JAG1: variants seen among roughly 807,000 people sequenced by gnomAD.
The protein encoded by JAG1 is protein jagged-1.
Under a neutral mutation model 148.7 loss-of-function variants are expected in JAG1, and 23 were observed. That is an observed-to-expected ratio of 0.15 (90% CI 0.11 to 0.22). The LOEUF is 0.22. JAG1 is among the 10% of genes least tolerant of loss of function. The pLI, the probability that JAG1 is intolerant of heterozygous loss-of-function variation, is 1.00. For synonymous variants in JAG1, 572 were observed against 598.3 expected (o/e 0.96, Z 0.64); for missense variants, 1,054 against 1,611.2 (o/e 0.65, Z 5.92).
At chr20:10,663,826 T>A (rs2067433283) in intron 3 of JAG1, 137 bp downstream of exon 3, 1 of 752,122 alleles carries the variant, frequency 1.3e-6, no homozygotes, top group Non-Finnish European at 2.4e-6. Context: ...AGGTTCACCC[T>A]GGGGTACAGG....
intron 5 of JAG1, among the ~76,000 whole-genome samples, chr20:10,653,913 G>A (rs2067362175): frequency 6.6e-6 from 1 of 152,152 alleles, no homozygotes; most frequent in Non-Finnish European, 1.5e-5. Flanking sequence ...GAAATCACTA[G>A]AATGTGTGGT....
chr20:10,648,742 G>C lies in JAG1; in HGVS notation c.1396-20C>G, dbSNP rs747732974. 6.2e-7 allele frequency: 1 copy of C among 1,611,660 alleles called. No homozygotes were observed. The highest frequency in any genetic ancestry group is 8.5e-7 in the Non-Finnish European group (1 of 1,177,880). On this transcript the variant is annotated intron_variant, in intron 11 of 25. Transcript: ENST00000254958. Reference sequence around the variant, plus strand: ...CAAATCCTAGAAGAGGAGAAGGGGAGAGAGAGACACATGCTTTTTTTCTAT... The same window carrying C: ...CAAATCCTAGAAGAGGAGAAGGGGACAGAGAGACACATGCTTTTTTTCTAT...
Position 10,673,676 on chromosome 20 carries a change from AAAC to A in JAG1, c.-149_-147del, listed in dbSNP as rs2067515168. ...GCCGATTGGAGCATGCACGACTGGA[AAAC>A]AACACCACTTTTCAAAAGCCCTTTC... On this transcript the variant is annotated 5_prime_UTR_variant, in exon 1 of 26. Transcript: ENST00000254958. The surrounding 1 kb of genome is among the most constrained non-coding windows in gnomAD (Gnocchi z 4.7). 1.0e-5 allele frequency: 3 copies of A among 286,876 alleles called. No homozygotes were observed. Among genetic ancestry groups the A allele is most frequent in the Admixed American group, 1.1e-4 (2 of 18,890 alleles). The allele number at this position is 286,876 out of a possible 1,614,324, so 17.8% of individuals were successfully genotyped here. A position where few individuals can be genotyped will look rare whatever the true frequency, so the allele number is the denominator to read the frequency against.
At position 10,645,502 on chromosome 20, in the gene JAG1, C is replaced by T. The variant is rs112550163; in HGVS notation, c.2000-33G>A. ...CAAAGGGGAGACAATCGGCTGAAGA[C>T]GAGATCCAGGACCATTCACGACAGG... On this transcript the variant is annotated intron_variant, in intron 15 of 25. Coordinates refer to ENST00000254958, the MANE Select transcript of JAG1 (RefSeq NM_000214.3). The surrounding 1 kb of genome is among the most constrained non-coding windows in gnomAD (Gnocchi z 6.1). 105 of 1,561,978 alleles carry T rather than the reference C, an allele frequency of 6.7e-5. No homozygotes were observed. In the African/African-American group the frequency reaches 9.7e-4, roughly 14 times the overall value.
Position 10,673,574 on chromosome 20 carries a change from G to A in JAG1, c.-44C>T, listed in dbSNP as rs565369273. The A allele has an allele frequency of 5.3e-6, 6 of 1,127,020 alleles. No homozygotes were observed. The African/African-American group carries it at 8.1e-5, about 15-fold the overall frequency. 69.8% of individuals were successfully genotyped at this position (1,127,020 alleles called of 1,614,324 possible). On this transcript the variant is annotated 5_prime_UTR_variant, in exon 1 of 26. The change creates a premature stop within an existing upstream ORF in the 5' untranslated region. Transcript: ENST00000254958. This position sits in a 1 kb window ranked among gnomAD's most constrained non-coding sequence, Gnocchi z 4.7. ...GGGCACTCGGGACGCCGCCGCTGCT[G>A]TTCGCGCTGGTGCTGCCGCCGGTGC... is the stretch of plus-strand genomic sequence containing the variant.
Position 10,650,263 on chromosome 20 carries a change from C to T in JAG1, c.1218G>A (p.Gly406=). The change falls in exon 9 of 26, where the codon GGG becomes GGA. Residue 406 remains glycine, a synonymous_variant. Coordinates refer to ENST00000254958, the MANE Select transcript of JAG1 (RefSeq NM_000214.3). ...TGTTCTTACCTAACTGGCACGTTTT[C>T]CCAGTCCACTGTGGGGGGCACACAC... ...FKCVCPPQWT[G]KTCQLDANEC... 6.2e-7 allele frequency: 1 copy of T among 1,612,316 alleles called. No homozygotes were observed. The highest frequency in any genetic ancestry group is 8.5e-7 in the Non-Finnish European group (1 of 1,178,434).
rs1568807505 is a variant in JAG1 at position 10,673,520 on chromosome 20, G to A, written c.11C>T (p.Pro4Leu). Reference protein sequence around the residue: MRSPRTRGRSGRPL... With the variant: MRSLRTRGRSGRPL... Reference sequence around the variant, plus strand: ...GCGCCCGGACCGGCCGCGCGTCCGTGGGGAACGCATCGCTGCGCCGCGCGC... The same window carrying A: ...GCGCCCGGACCGGCCGCGCGTCCGTAGGGAACGCATCGCTGCGCCGCGCGC... The change falls in exon 1 of 26, where the codon CCA becomes CTA. Residue 4 changes from proline to leucine, a missense_variant. By Grantham distance (98) the Pro-to-Leu change is moderately conservative. Coordinates refer to ENST00000254958, the MANE Select transcript of JAG1 (RefSeq NM_000214.3). The surrounding 1 kb of genome is among the most constrained non-coding windows in gnomAD (Gnocchi z 4.7). 6.4e-6 allele frequency: 8 copies of A among 1,256,418 alleles called. No homozygotes were observed. Among genetic ancestry groups the A allele is most frequent in the African/African-American group, 3.1e-5 (2 of 64,174 alleles). 77.8% of individuals were successfully genotyped at this position (1,256,418 alleles called of 1,614,324 possible).
intron 2 of JAG1, among the ~76,000 whole-genome samples, chr20:10,670,582 T>G (rs2067488428): frequency 6.6e-6 from 1 of 152,220 alleles, no homozygotes; most frequent in Non-Finnish European, 1.5e-5. Flanking sequence ...TTACGGACTG[T>G]GCCGTTTCTC....
intron 4 of JAG1, among the ~76,000 whole-genome samples, chr20:10,657,106 C>T (rs908334434): frequency 6.6e-6 from 1 of 152,102 alleles, no homozygotes; most frequent in Non-Finnish European, 1.5e-5. Flanking sequence ...TGGCCCATGC[C>T]TATAATCCCA....
At chr20:10,639,979 T>C in intron 25 of JAG1, 24 bp from the exon 26 acceptor site, 1 of 1,556,610 alleles carries the variant, frequency 6.4e-7, no homozygotes, top group Non-Finnish European at 8.9e-7. Context: ...ACAAAACCAA[T>C]TAACTCTCCA....
chr20:10,640,042 TCTC>T (rs1237354336), intron 25 of JAG1, 87 bp from the exon 26 acceptor site: 2 of 1,052,412 alleles, frequency 1.9e-6, no homozygotes, highest in Non-Finnish European at 2.9e-6. Flanking sequence ...CAACAGTGGT[TCTC>T]CTGCCCTTTA....
At chr20:10,657,480 C>A (rs764966098) in intron 4 of JAG1, among the ~76,000 whole-genome samples, 10 of 151,938 alleles carry the variant, frequency 6.6e-5, no homozygotes, top group Non-Finnish European at 1.2e-4. Flanking sequence ...CCTTTTTAAA[C>A]TCTTCTCTCC....
At position 10,673,089 on chromosome 20, in the gene JAG1, C is replaced by T. The variant is rs2067509244; in HGVS notation, c.82-83G>A. 7.6e-7 allele frequency: 1 copy of T among 1,308,326 alleles called. No homozygotes were observed. The highest frequency in any genetic ancestry group is 1.1e-6 in the Non-Finnish European group (1 of 925,312). 81.0% of individuals were successfully genotyped at this position (1,308,326 alleles called of 1,614,324 possible). On this transcript the variant is annotated intron_variant, in intron 1 of 25. Transcript: ENST00000254958. The surrounding 1 kb of genome is among the most constrained non-coding windows in gnomAD (Gnocchi z 4.7). Reference sequence around the variant, plus strand: ...AGAGGTGGCGACTCCCTCCCACTCCCCGCCCCGACGAGCCCTCCTCGCCGA... The same window carrying T: ...AGAGGTGGCGACTCCCTCCCACTCCTCGCCCCGACGAGCCCTCCTCGCCGA...
In JAG1 at chr20:10,637,983, A is replaced by G. The variant is rs1481077562; in HGVS notation, c.*1515T>C. 1.3e-5 allele frequency: 2 copies of G among 152,684 alleles called. No individual in the cohort carries two copies. Among genetic ancestry groups the G allele is most frequent in the African/African-American group, 4.8e-5 (2 of 41,470 alleles). The allele number at this position is 152,684 out of a possible 1,614,324, so 9.5% of individuals were successfully genotyped here. On this transcript the variant is annotated 3_prime_UTR_variant, in exon 26 of 26. Coordinates refer to ENST00000254958, the MANE Select transcript of JAG1 (RefSeq NM_000214.3). ...AGAGGCCACACTGTTCCATGTTTTC[A>G]TACAAAAAAATTTAATAAATATTAC...
At position 10,668,011 on chromosome 20, in the gene JAG1, C is replaced by A. The variant is rs145242979; in HGVS notation, c.388-3997G>T. Among the ~76,000 whole-genome samples, 497 of 149,582 alleles carry A rather than the reference C, an allele frequency of 3.3e-3. 5 individuals carry two copies. Among genetic ancestry groups the A allele is most frequent in the African/African-American group, 0.012 (472 of 40,706 alleles). On this transcript the variant is annotated intron_variant, in intron 2 of 25. Coordinates refer to ENST00000254958, the MANE Select transcript of JAG1 (RefSeq NM_000214.3). ...CTCTGCATGTTTGACTATTTATGTA[C>A]TCCTTTAACTACTGGGAGCCACCTT...
chr20:10,653,562 C>T (rs912535426), intron 5 of JAG1, among the ~76,000 whole-genome samples: 5 of 141,326 alleles, frequency 3.5e-5, no homozygotes, highest in Non-Finnish European at 6.1e-5. Context: ...CAACTAGCCT[C>T]CCGGTGGAGC....
intron 2 of JAG1, among the ~76,000 whole-genome samples, chr20:10,666,793 G>A (rs2067456844): frequency 6.6e-6 from 1 of 152,206 alleles, no homozygotes; most frequent in South Asian, 2.1e-4. Flanking sequence ...AAAGAGGAAT[G>A]GTCAGCCTTC....
chr20:10,647,887 A>G, intron 13 of JAG1, 73 bp downstream of exon 13: 1 of 1,487,166 alleles, frequency 6.7e-7, no homozygotes, highest in Non-Finnish European at 9.4e-7. Context: ...AAGTGTAACA[A>G]GGGGCAGTGG....
chr20:10,668,574 A>G (rs1197085407), intron 2 of JAG1, among the ~76,000 whole-genome samples: 2 of 152,124 alleles, frequency 1.3e-5, no homozygotes, highest in Non-Finnish European at 1.5e-5. Flanking sequence ...CCCTTCTACA[A>G]TGGGGCCAGT....
Sources: gnomAD v4.1 joint callset for allele counts (sites outside exome capture counted in the v4.1 genomes callset) on GRCh38, gnomAD v4.1.1 for gene constraint, Gnocchi (gnomAD v3.1) non-coding constraint, MANE v1.5 for transcripts, NCBI Gene and HGNC (gene_info 2026-07-23, HGNC 2026-07-21) for gene names.